SIDT1: variants seen among roughly 807,000 people sequenced by gnomAD.
The protein encoded by SIDT1 is SID1 transmembrane family, member 1.
Under a neutral mutation model 107.5 loss-of-function variants are expected in SIDT1, and 101 were observed. The ratio of observed to expected loss-of-function variants is 0.94; its 90% CI spans 0.80 to 1.11. The LOEUF (loss-of-function observed/expected upper bound fraction) is 1.11. SIDT1 is among the 50% of genes least tolerant of loss of function. The pLI, the probability that SIDT1 is intolerant of heterozygous loss-of-function variation, is 0.00. For missense variants in SIDT1, 1,076 were observed against 1,058.2 expected (o/e 1.02, Z -0.23); for synonymous variants, 395 against 398.2 (o/e 0.99, Z 0.10).
At chr3:113,567,987 A>G (rs1942079092) in intron 3 of SIDT1, 1 of 315,254 alleles carries the variant, frequency 3.2e-6, no homozygotes, top group Non-Finnish European at 5.7e-6. Context: ...ATAGGCAAGA[A>G]TGACTGGTGA....
chr3:113,539,070 C>T (rs1184242179), intron 1 of SIDT1, among the ~76,000 whole-genome samples: 1 of 151,922 alleles, frequency 6.6e-6, no homozygotes, highest in African/African-American at 2.4e-5. Flanking sequence ...ACCTTGTGGG[C>T]TATTTGGTTA....
chr3:113,541,671 T>G (rs1361614845), intron 1 of SIDT1, among the ~76,000 whole-genome samples: 1 of 152,174 alleles, frequency 6.6e-6, no homozygotes, highest in African/African-American at 2.4e-5. Context: ...TATTCTCACT[T>G]TCATGTTTAT....
At chr3:113,569,196 C>CATTTATAT (rs1225722318) in intron 3 of SIDT1, among the ~76,000 whole-genome samples, 6 of 149,060 alleles carry the variant, frequency 4.0e-5, no homozygotes, top group Admixed American at 6.7e-5. Context: ...TATTTTATTC[C>CATTTATAT]ATTTATATAA....
intron 24 of SIDT1, among the ~76,000 whole-genome samples, chr3:113,626,998 T>C (rs949842232): frequency 1.1e-4 from 17 of 152,182 alleles, no homozygotes; most frequent in African/African-American, 4.1e-4. Context: ...CCAATCTGTA[T>C]AAACAGTCCT....
At chr3:113,601,528 A>G (rs971992730) in intron 10 of SIDT1, 60 bp from the exon 11 acceptor site, 1 of 1,107,784 alleles carries the variant, frequency 9.0e-7, no homozygotes, top group Non-Finnish European at 1.4e-6. Flanking sequence ...TACTTAGAAT[A>G]GTGTTGTTTT....
At chr3:113,591,197 C>A (rs942194356) in intron 9 of SIDT1, among the ~76,000 whole-genome samples, 1 of 151,250 alleles carries the variant, frequency 6.6e-6, no homozygotes, top group Admixed American at 6.6e-5. Context: ...CCCCTGCAGC[C>A]TCCAGAAGTA....
chr3:113,545,160 A>AGTATT (rs1404067488), intron 1 of SIDT1, among the ~76,000 whole-genome samples: 1 of 151,050 alleles, frequency 6.6e-6, no homozygotes, highest in Non-Finnish European at 1.5e-5. Flanking sequence ...TGAAGTAATA[A>AGTATT]TACTTGATAC....
chr3:113,558,823 T>C (rs1035425887), intron 1 of SIDT1, among the ~76,000 whole-genome samples: 1 of 152,364 alleles, frequency 6.6e-6, no homozygotes, highest in African/African-American at 2.4e-5. Context: ...GTTCTTGAAA[T>C]CCATTATTTT....
intron 1 of SIDT1, among the ~76,000 whole-genome samples, chr3:113,538,530 T>C (rs1486015973): frequency 6.6e-6 from 1 of 152,252 alleles, no homozygotes; most frequent in Admixed American, 6.5e-5. Flanking sequence ...AAATGTGTCG[T>C]TAGTATTTGT....
At chr3:113,623,323 A>C in intron 21 of SIDT1, 104 bp from the exon 22 acceptor site, 1 of 604,070 alleles carries the variant, frequency 1.7e-6, no homozygotes, top group East Asian at 2.8e-5. Context: ...TTAAAAAAAA[A>C]AAAAGAACCT....
chr3:113,584,808 T>C, intron 8 of SIDT1, 39 bp downstream of exon 8: 2 of 1,368,078 alleles, frequency 1.5e-6, no homozygotes, highest in Non-Finnish European at 1.0e-6. Flanking sequence ...GAGATTCCTG[T>C]GTCAGAAAAT....
intron 3 of SIDT1, among the ~76,000 whole-genome samples, chr3:113,573,193 T>C (rs1942615025): frequency 6.6e-6 from 1 of 152,082 alleles, no homozygotes; most frequent in African/African-American, 2.4e-5. Flanking sequence ...CAAAGGGACA[T>C]AGTAGGTCAG....
chr3:113,586,197 C>T (rs1423646369), intron 9 of SIDT1, among the ~76,000 whole-genome samples: 1 of 152,106 alleles, frequency 6.6e-6, no homozygotes, highest in Non-Finnish European at 1.5e-5. Flanking sequence ...CCTTCAAAAA[C>T]AGTAGATGAC....
At chr3:113,580,460 AG>A in intron 4 of SIDT1, 147 bp from the exon 5 acceptor site, 1 of 608,936 alleles carries the variant, frequency 1.6e-6, no homozygotes, top group Non-Finnish European at 2.9e-6. Context: ...GCGCAGATTT[AG>A]TTTCTCAATA....
the SIDT1 span, among the ~76,000 whole-genome samples, chr3:113,634,641 C>CA: frequency 0.019 from 2,811 of 148,510 alleles, 65 homozygotes; most frequent in African/African-American, 0.05. Flanking sequence ...ACCAAAAATA[C>CA]AAAAAAAATA....
intron 23 of SIDT1, among the ~76,000 whole-genome samples, chr3:113,624,056 C>G (rs750567111): frequency 1.3e-5 from 2 of 152,212 alleles, no homozygotes; most frequent in Non-Finnish European, 2.9e-5. Flanking sequence ...CTCATAATCT[C>G]CATCCATCAA....
At chr3:113,587,097 G>T (rs1045770330) in intron 9 of SIDT1, among the ~76,000 whole-genome samples, 1 of 152,146 alleles carries the variant, frequency 6.6e-6, no homozygotes, top group Non-Finnish European at 1.5e-5. Context: ...TTATGTAAGA[G>T]AATTTTTTTT....
At chr3:113,573,223 C>G (rs1942619315) in intron 3 of SIDT1, among the ~76,000 whole-genome samples, 1 of 152,186 alleles carries the variant, frequency 6.6e-6, no homozygotes, top group South Asian at 2.1e-4. Flanking sequence ...AGTGACAGCA[C>G]ATTCCCTTTT....
chr3:113,627,030 T>C (rs191152733), intron 24 of SIDT1, among the ~76,000 whole-genome samples: 2 of 152,266 alleles, frequency 1.3e-5, no homozygotes, highest in African/African-American at 4.8e-5. Context: ...CTTTTGATCG[T>C]CACCTTCATG....
Sources: allele counts gnomAD v4.1 joint callset (sites outside exome capture counted in the v4.1 genomes callset), GRCh38; gene constraint gnomAD v4.1.1; transcripts MANE v1.5; gene names NCBI Gene and HGNC (gene_info 2026-07-23, HGNC 2026-07-21).